The following APBA1 variants were observed in gnomAD, a reference collection of about 807,000 sequenced individuals.
APBA1 encodes the protein amyloid beta precursor protein binding family A member 1.
A neutral mutation model predicts 86.6 loss-of-function variants in APBA1; 55 were observed. That is an observed-to-expected ratio of 0.64 (90% confidence interval 0.51 to 0.80). The LOEUF (loss-of-function observed/expected upper bound fraction) is 0.80, where lower values mean the gene tolerates loss of function less well. Among genes scored for constraint, APBA1 ranks in the 30% least tolerant of loss-of-function variants. APBA1 has a pLI of 0.00. For missense variants in APBA1, 1,090 were observed against 1,183.0 expected, an observed-to-expected ratio of 0.92 and a Z score of 1.15; for synonymous variants, 511 against 493.9, an observed-to-expected ratio of 1.03 and a Z score of -0.46.
At chr9:69,579,755 A>G (rs1406144759) in intron 1 of APBA1, among the ~76,000 whole-genome samples, 1 of 152,224 alleles carries the variant, frequency 6.6e-6, no homozygotes, top group East Asian at 1.9e-4. Context: ...TATAATTGAA[A>G]TAAGATGGAA....
chr9:69,613,951 T>G (rs376098390), intron 1 of APBA1, among the ~76,000 whole-genome samples: 27 of 149,124 alleles, frequency 1.8e-4, no homozygotes, highest in African/African-American at 7.0e-4. Flanking sequence ...TGCAAAATAT[T>G]TTTTTTTACC....
intron 1 of APBA1, among the ~76,000 whole-genome samples, chr9:69,625,032 G>T (rs983633262): frequency 1.3e-5 from 2 of 152,082 alleles, no homozygotes; most frequent in Non-Finnish European, 2.9e-5. Context: ...TCACATTCCA[G>T]AGATCTTTGG....
At chr9:69,646,519 C>T (rs755897972) in intron 1 of APBA1, among the ~76,000 whole-genome samples, 3 of 152,150 alleles carry the variant, frequency 2.0e-5, no homozygotes, top group Non-Finnish European at 4.4e-5. Flanking sequence ...CCACTCCCAC[C>T]CTACTCCTCA....
At chr9:69,437,289 CATAAAA>C (rs1166030936) in intron 11 of APBA1, among the ~76,000 whole-genome samples, 2 of 151,458 alleles carry the variant, frequency 1.3e-5, no homozygotes, top group Non-Finnish European at 2.9e-5. Flanking sequence ...ATGCTGGCCT[CATAAAA>C]TGAGTTAGGG....
At chr9:69,483,436 A>C (rs1835555663) in intron 2 of APBA1, among the ~76,000 whole-genome samples, 1 of 152,048 alleles carries the variant, frequency 6.6e-6, no homozygotes, top group Non-Finnish European at 1.5e-5. Context: ...ATTTTCATGG[A>C]AAGGGATAAT....
chr9:69,500,787 C>T (rs1835869591), intron 2 of APBA1, among the ~76,000 whole-genome samples: 1 of 152,020 alleles, frequency 6.6e-6, no homozygotes, highest in Non-Finnish European at 1.5e-5. Flanking sequence ...GTTTAAAGAG[C>T]GAAGCCCGGA....
intron 1 of APBA1, among the ~76,000 whole-genome samples, chr9:69,548,013 C>T (rs528470802): frequency 1.3e-5 from 2 of 152,252 alleles, no homozygotes; most frequent in South Asian, 2.1e-4. Flanking sequence ...GGGAGATTAT[C>T]CTGGATCATC....
At chr9:69,666,487 T>A (rs935756396) in intron 1 of APBA1, among the ~76,000 whole-genome samples, 7 of 152,188 alleles carry the variant, frequency 4.6e-5, no homozygotes, top group Admixed American at 3.3e-4. Flanking sequence ...TATTTATTTA[T>A]TTTTAATCTC....
At chr9:69,470,901 C>T (rs535255196) in intron 4 of APBA1, among the ~76,000 whole-genome samples, 1 of 152,282 alleles carries the variant, frequency 6.6e-6, no homozygotes, top group East Asian at 1.9e-4. Flanking sequence ...GGAACTTTGG[C>T]CCCACCTGGC....
chr9:69,505,973 C>T (rs1198650297), intron 2 of APBA1, among the ~76,000 whole-genome samples: 8 of 150,960 alleles, frequency 5.3e-5, no homozygotes, highest in South Asian at 2.1e-4. Context: ...GAGCCAAGAT[C>T]GCACCACTGC....
intron 2 of APBA1, among the ~76,000 whole-genome samples, chr9:69,483,271 C>G (rs1456130068): frequency 6.6e-6 from 1 of 151,540 alleles, no homozygotes; most frequent in Non-Finnish European, 1.5e-5. Flanking sequence ...AAAAACTAAA[C>G]AGAGATGTAT....
intron 1 of APBA1, among the ~76,000 whole-genome samples, chr9:69,563,998 T>C (rs1405293448): frequency 2.6e-5 from 4 of 152,160 alleles, no homozygotes; most frequent in Non-Finnish European, 5.9e-5. Flanking sequence ...CCGGTGGTGG[T>C]GATCTATTCC....
At chr9:69,476,862 C>G (rs1474306783) in intron 2 of APBA1, among the ~76,000 whole-genome samples, 2 of 152,178 alleles carry the variant, frequency 1.3e-5, no homozygotes, top group Non-Finnish European at 2.9e-5. Flanking sequence ...CCCCAGCTCC[C>G]TGTGCAGGCA....
intron 11 of APBA1, among the ~76,000 whole-genome samples, chr9:69,434,607 T>C (rs1290522239): frequency 6.6e-6 from 1 of 151,292 alleles, no homozygotes; most frequent in East Asian, 1.9e-4. Context: ...CTCAGGAGGC[T>C]GAGGCAGGAG....
At chr9:69,433,887 C>T (rs1834648807) in intron 11 of APBA1, among the ~76,000 whole-genome samples, 1 of 148,984 alleles carries the variant, frequency 6.7e-6, no homozygotes, top group South Asian at 2.1e-4. Context: ...TCTCTGCTCA[C>T]TGCAACCTTT....
intron 12 of APBA1, 46 bp downstream of exon 12, chr9:69,432,490 C>T: frequency 6.9e-7 from 1 of 1,440,880 alleles, no homozygotes; most frequent in Non-Finnish European, 9.2e-7. Context: ...GGCAGGGGCA[C>T]CAGACGCGGC....
chr9:69,596,318 T>C (rs1470549745), intron 1 of APBA1, among the ~76,000 whole-genome samples: 1 of 152,186 alleles, frequency 6.6e-6, no homozygotes, highest in Non-Finnish European at 1.5e-5. Context: ...GGGATTCTGC[T>C]GATATTTTTC....
intron 1 of APBA1, among the ~76,000 whole-genome samples, chr9:69,592,791 C>T (rs750354882): frequency 4.6e-5 from 7 of 152,086 alleles, no homozygotes; most frequent in Non-Finnish European, 7.4e-5. Flanking sequence ...GTCAACTAAA[C>T]CTCTTTTCTT....
At chr9:69,513,785 C>T (rs1836090691) in intron 2 of APBA1, among the ~76,000 whole-genome samples, 1 of 152,186 alleles carries the variant, frequency 6.6e-6, no homozygotes, top group Non-Finnish European at 1.5e-5. Context: ...GAGGTGAATG[C>T]TACCACTCTG....
Sources: gnomAD v4.1 joint callset for allele counts (sites outside exome capture counted in the v4.1 genomes callset) on GRCh38, gnomAD v4.1.1 for gene constraint, MANE v1.5 for transcripts, NCBI Gene and HGNC (gene_info 2026-07-23, HGNC 2026-07-21) for gene names.